The following PDE1C variants were observed in gnomAD, a reference collection of about 807,000 sequenced individuals.
PDE1C encodes dual specificity calcium/calmodulin-dependent 3',5'-cyclic nucleotide phosphodiesterase 1C.
In PDE1C, 62 loss-of-function variants were observed where a neutral mutation model predicts 93.1. That is an observed-to-expected ratio of 0.67 (90% CI 0.54 to 0.82). The LOEUF (loss-of-function observed/expected upper bound fraction) is 0.82. Ranked by LOEUF, PDE1C falls within the 40% of genes least tolerant of loss-of-function variation. The pLI is 0.00. For synonymous variants in PDE1C, 325 were observed against 310.1 expected, an observed-to-expected ratio of 1.05 and a Z score of -0.50; for missense variants, 742 against 884.6, an observed-to-expected ratio of 0.84 and a Z score of 2.04.
chr7:32,426,518 A>G (rs188009734), intron 1 of PDE1C, among the ~76,000 whole-genome samples: 13 of 151,890 alleles, frequency 8.6e-5, no homozygotes, highest in African/African-American at 3.1e-4. Flanking sequence ...CAAGCAATCC[A>G]CCTCTCAAAG....
intron 7 of PDE1C, among the ~76,000 whole-genome samples, chr7:31,854,069 A>AGAC (rs1793694706): frequency 6.6e-6 from 1 of 152,102 alleles, no homozygotes; most frequent in Admixed American, 6.5e-5. Context: ...TAGGATGTAC[A>AGAC]GACAGTGTGG....
At chr7:32,305,493 G>A (rs1006740702) in intron 1 of PDE1C, among the ~76,000 whole-genome samples, 1 of 152,174 alleles carries the variant, frequency 6.6e-6, no homozygotes, top group Non-Finnish European at 1.5e-5. Context: ...CAAGTATAGT[G>A]ATCTTTTTTT....
the PDE1C span, chr7:31,692,575 G>T: frequency 7.9e-6 from 12 of 1,514,996 alleles, no homozygotes; most frequent in Admixed American, 1.7e-5. Context: ...GAGAAGAGGC[G>T]TCTCAGCCAT....
intron 1 of PDE1C, among the ~76,000 whole-genome samples, chr7:32,369,028 A>C (rs1244690216): frequency 6.6e-6 from 1 of 152,152 alleles, no homozygotes; most frequent in Admixed American, 6.5e-5. Flanking sequence ...AATACCCAAA[A>C]CTGTAAAACT....
At chr7:31,999,451 A>G (rs1315423006) in intron 2 of PDE1C, among the ~76,000 whole-genome samples, 1 of 152,168 alleles carries the variant, frequency 6.6e-6, no homozygotes, top group Non-Finnish European at 1.5e-5. Context: ...GGGCAGGGGA[A>G]CTGTGCAAAA....
chr7:32,196,970 T>C (rs1804666452), intron 2 of PDE1C, among the ~76,000 whole-genome samples: 1 of 152,186 alleles, frequency 6.6e-6, no homozygotes, highest in South Asian at 2.1e-4. Context: ...GGAACTTCTA[T>C]AGGGATGAGG....
chr7:31,826,880 C>A (rs1789742377), intron 12 of PDE1C, among the ~76,000 whole-genome samples: 1 of 152,200 alleles, frequency 6.6e-6, no homozygotes, highest in Admixed American at 6.6e-5. Context: ...CAGGCCATAT[C>A]ATCGCTATCA....
chr7:32,233,881 G>T (rs1353644228), intron 1 of PDE1C, among the ~76,000 whole-genome samples: 1 of 151,910 alleles, frequency 6.6e-6, no homozygotes, highest in Non-Finnish European at 1.5e-5. Context: ...CATTCATCAC[G>T]ATAGACTAAA....
intron 2 of PDE1C, among the ~76,000 whole-genome samples, chr7:31,926,136 TACAC>T (rs58101155): frequency 6.6e-6 from 1 of 151,132 alleles, no homozygotes; most frequent in Non-Finnish European, 1.5e-5. Flanking sequence ...CGTCTGTACA[TACAC>T]ACACACACAC....
intron 16 of PDE1C, among the ~76,000 whole-genome samples, chr7:31,778,855 C>A (rs1251516964): frequency 6.6e-6 from 1 of 152,114 alleles, no homozygotes; most frequent in African/African-American, 2.4e-5. Flanking sequence ...GTTTAAGGAA[C>A]TTGACTAATG....
the PDE1C span, among the ~76,000 whole-genome samples, chr7:31,742,044 A>G: frequency 3.9e-5 from 6 of 152,240 alleles, no homozygotes; most frequent in Non-Finnish European, 7.3e-5. Flanking sequence ...TAGCACCTGA[A>G]ACAGGAAAGG....
the PDE1C span, among the ~76,000 whole-genome samples, chr7:31,637,294 T>A: frequency 2.0e-5 from 3 of 152,174 alleles, no homozygotes; most frequent in African/African-American, 7.2e-5. Flanking sequence ...TAGTTGTAGA[T>A]CCCTGAGGAA....
chr7:31,751,007 G>C (rs570696182), downstream of PDE1C, among the ~76,000 whole-genome samples: 61 of 152,246 alleles, frequency 4.0e-4, 1 homozygote, highest in Middle Eastern at 6.8e-3. Flanking sequence ...TGGGTGTATA[G>C]GGAGAAAAAG....
intron 9 of PDE1C, among the ~76,000 whole-genome samples, chr7:31,838,509 A>G (rs903949784): frequency 3.9e-5 from 6 of 152,156 alleles, no homozygotes; most frequent in Non-Finnish European, 1.5e-5. Flanking sequence ...CAACTAGTGA[A>G]TCAATATTGA....
chr7:31,938,699 G>A (rs1047893999), intron 2 of PDE1C, among the ~76,000 whole-genome samples: 2 of 150,204 alleles, frequency 1.3e-5, no homozygotes, highest in African/African-American at 4.9e-5. Flanking sequence ...TTTGTTGAAT[G>A]AATAACTGAA....
At chr7:32,388,800 T>C (rs1028099483) in intron 1 of PDE1C, among the ~76,000 whole-genome samples, 1 of 152,042 alleles carries the variant, frequency 6.6e-6, no homozygotes, top group Non-Finnish European at 1.5e-5. Context: ...GATTTTGGCC[T>C]TGAATCTGGG....
At chr7:32,071,015 G>A (rs974829692), upstream of PDE1C, 157 of 985,270 alleles carry the variant, frequency 1.6e-4, no homozygotes, top group Non-Finnish European at 1.9e-4. Context: ...ACTGACAAGT[G>A]AGAAAAGTCG....
At chr7:31,986,929 A>AAC (rs10551724) in intron 2 of PDE1C, among the ~76,000 whole-genome samples, 27,209 of 149,764 alleles carry the variant, frequency 0.18, 2,704 homozygotes, top group Admixed American at 0.33. Context: ...ATTGAACACG[A>AAC]ACACACACAC....
intron 1 of PDE1C, among the ~76,000 whole-genome samples, chr7:32,421,015 G>T (rs1250005862): frequency 6.6e-6 from 1 of 151,978 alleles, no homozygotes; most frequent in East Asian, 1.9e-4. Flanking sequence ...CTCTCAAAAG[G>T]ATGCTGTGAA....
Sources: gnomAD v4.1 joint callset for allele counts (sites outside exome capture counted in the v4.1 genomes callset) on GRCh38, gnomAD v4.1.1 for gene constraint, MANE v1.5 for transcripts, NCBI Gene and HGNC (gene_info 2026-07-23, HGNC 2026-07-21) for gene names.